PTPA: variants seen among roughly 807,000 people sequenced by gnomAD.
PTPA encodes the protein serine/threonine-protein phosphatase 2A activator.
Under a neutral mutation model 43.6 loss-of-function variants are expected in PTPA, and 13 were observed. The ratio of observed to expected loss-of-function variants is 0.30; its 90% CI spans 0.19 to 0.47. The LOEUF (loss-of-function observed/expected upper bound fraction) is 0.47, where lower values mean the gene tolerates loss of function less well. Ranked by LOEUF, PTPA falls within the 20% of genes least tolerant of loss-of-function variation. The probability of loss-of-function intolerance (pLI) is 0.99; values close to 1 mark genes in which losing one functional copy is unlikely to be tolerated. For missense variants in PTPA, 329 were observed against 411.9 expected (o/e 0.80, Z 1.74); for synonymous variants, 172 against 158.2 (o/e 1.09, Z -0.66).
chr9:129,143,200 C>T (rs1205898642), intron 9 of PTPA: 3 of 634,152 alleles, frequency 4.7e-6, no homozygotes, highest in South Asian at 1.8e-5. Flanking sequence ...GTGGCCTTTT[C>T]TCTCTTCCAA....
intron 3 of PTPA, among the ~76,000 whole-genome samples, chr9:129,126,173 TA>T (rs1473605699): frequency 6.6e-6 from 1 of 151,902 alleles, no homozygotes; most frequent in Non-Finnish European, 1.5e-5. Context: ...AACTAGCTCT[TA>T]TTTTTTTATT....
chr9:129,146,820 C>T (rs1851333855), intron 9 of PTPA, among the ~76,000 whole-genome samples: 1 of 152,196 alleles, frequency 6.6e-6, no homozygotes, highest in Non-Finnish European at 1.5e-5. Context: ...TCAGCCATTC[C>T]CCTGTTCAGC....
rs552258435 is a variant in PTPA at position 129,129,627 on chromosome 9, G to A, written c.342+517G>A. Among the ~76,000 whole-genome samples, 30 of 151,884 alleles carry A rather than the reference G, an allele frequency of 2.0e-4. No homozygotes were observed. The East Asian group carries it at 3.7e-3, about 19-fold the overall frequency. On this transcript the variant is annotated intron_variant, in intron 4 of 9. Transcript: ENST00000393370. ...TGGGACTACAGGCACCCACCACCACGCCCGGCTAATTTTTTGTATTTTTCG... is the reference window on the plus strand; with the variant it reads ...TGGGACTACAGGCACCCACCACCACACCCGGCTAATTTTTTGTATTTTTCG...
chr9:129,132,716 C>T (rs1255462632), intron 5 of PTPA, among the ~76,000 whole-genome samples: 1 of 152,226 alleles, frequency 6.6e-6, no homozygotes, highest in Non-Finnish European at 1.5e-5. Flanking sequence ...CTCCTGACCT[C>T]TGGTGAGGTC....
intron 1 of PTPA, among the ~76,000 whole-genome samples, chr9:129,114,484 A>G (rs886509356): frequency 1.3e-5 from 2 of 152,102 alleles, no homozygotes; most frequent in African/African-American, 4.8e-5. Context: ...TAAAATAACT[A>G]TAGGCTACTA....
chr9:129,117,061 C>G (rs1848924547), intron 1 of PTPA, among the ~76,000 whole-genome samples: 1 of 152,034 alleles, frequency 6.6e-6, no homozygotes, highest in Non-Finnish European at 1.5e-5. Flanking sequence ...TGGGTTGTTT[C>G]TAATTTTTTT....
chr9:129,135,004 T>C lies in PTPA; in HGVS notation c.560+110T>C, dbSNP rs114639924. 761 of 858,018 alleles carry C rather than the reference T, an allele frequency of 8.9e-4. 7 individuals carry two copies. The African/African-American group carries it at 0.012, about 13-fold the overall frequency. 53.2% of individuals were successfully genotyped at this position (858,018 alleles called of 1,614,324 possible). The stretch of plus-strand genomic sequence containing the variant: ...GGTTCTCCTGAGTAGCTCATGGTTC[T>C]CTTGTCCTGTCCTAATCAAGCTCTG... On this transcript the variant is annotated intron_variant, in intron 6 of 9. Transcript: ENST00000393370.
At chr9:129,119,731 G>A (rs1849126860) in intron 1 of PTPA, 1 of 151,938 alleles carries the variant, frequency 6.6e-6, no homozygotes, top group Admixed American at 6.6e-5. Flanking sequence ...TCTGTGAATT[G>A]CCTGTGTATG....
At chr9:129,136,368 C>T (rs1163499018) in intron 6 of PTPA, 103 bp from the exon 7 acceptor site, 5 of 1,300,312 alleles carry the variant, frequency 3.8e-6, no homozygotes, top group Non-Finnish European at 4.2e-6. Context: ...AGTTAACACT[C>T]TTCAGTGGTT....
At chr9:129,146,917 G>A (rs774621091) in intron 9 of PTPA, among the ~76,000 whole-genome samples, 1 of 152,228 alleles carries the variant, frequency 6.6e-6, no homozygotes, top group Non-Finnish European at 1.5e-5. Flanking sequence ...TTATTGTCTC[G>A]CTCTGAAGTG....
Position 129,147,539 on chromosome 9 carries a change from C to G in PTPA, c.*75C>G. On this transcript the variant is annotated 3_prime_UTR_variant, in exon 10 of 10. Transcript: ENST00000393370. ...TCCCCACCCCAGCAGTGGCCCCTCC[C>G]CATCCCCTCCCTCTGTTCGTCCCGT... is the stretch of plus-strand genomic sequence containing the variant. 7.7e-6 allele frequency: 11 copies of G among 1,431,682 alleles called. No individual in the cohort carries two copies. The highest frequency in any genetic ancestry group is 1.1e-5 in the Non-Finnish European group (11 of 1,028,822). 88.7% of individuals were successfully genotyped at this position (1,431,682 alleles called of 1,614,324 possible).
chr9:129,122,552 G>A (rs1488010950), intron 2 of PTPA, among the ~76,000 whole-genome samples: 3 of 152,218 alleles, frequency 2.0e-5, no homozygotes, highest in East Asian at 1.9e-4. Flanking sequence ...GCCTTTGGTC[G>A]CTGATTGCTG....
At chr9:129,111,201 C>T, upstream of PTPA, 2 of 1,118,628 alleles carry the variant, frequency 1.8e-6, no homozygotes, top group Non-Finnish European at 2.3e-6. Context: ...GAGACTGTCC[C>T]GGAAAAACAT....
Position 129,144,274 on chromosome 9 carries a change from C to G in PTPA, c.894+1722C>G, listed in dbSNP as rs374757274. ...CAGGCTGTCGGGGTCTCCGTGGGGGCTGAGCACAGGGTGGCAAACACAAAG... is the reference window on the plus strand; with the variant it reads ...CAGGCTGTCGGGGTCTCCGTGGGGGGTGAGCACAGGGTGGCAAACACAAAG... On this transcript the variant is annotated intron_variant, in intron 9 of 9. Transcript: ENST00000393370. Among the ~76,000 whole-genome samples the G allele has an allele frequency of 3.6e-4, 55 of 152,030 alleles. 1 individual carries two copies. The South Asian group carries it at 7.7e-3, about 21-fold the overall frequency.
intron 6 of PTPA, among the ~76,000 whole-genome samples, chr9:129,136,236 G>A (rs552377469): frequency 1.3e-5 from 2 of 152,154 alleles, no homozygotes; most frequent in Non-Finnish European, 2.9e-5. Flanking sequence ...CAAAGTGCTG[G>A]GATTACAGGC....
At chr9:129,123,733 G>C (rs1849403431) in intron 3 of PTPA, among the ~76,000 whole-genome samples, 1 of 151,770 alleles carries the variant, frequency 6.6e-6, no homozygotes, top group Non-Finnish European at 1.5e-5. Context: ...GCCCAGGCTG[G>C]AGTGCAGTGG....
rs770784540 is a variant in PTPA, at chr9:129,123,069, C to A, written c.147C>A (p.Ile49=). The A allele has an allele frequency of 1.9e-6, 3 of 1,610,994 alleles. No homozygotes were observed. Among genetic ancestry groups the A allele is most frequent in the Non-Finnish European group, 2.5e-6 (3 of 1,178,178 alleles). The change falls in exon 3 of 10, where the codon ATC becomes ATA. Residue 49 remains isoleucine (I), a synonymous_variant. Transcript: ENST00000393370. The part of the protein sequence containing the change: ...WKRSQAYADY[I]GFILTLNEGV... ...TTTGGTAGGCATACGCTGACTACAT[C>A]GGATTCATCCTTACCCTCAACGAAG... is the stretch of plus-strand genomic sequence containing the variant.
chr9:129,111,446 C>A lies in PTPA; in HGVS notation c.-155C>A. On this transcript the variant is annotated 5_prime_UTR_variant, in exon 1 of 10. Transcript: ENST00000393370. Reference sequence around the variant, plus strand: ...ATGGCGGCCGTCTTCGCTGTGGTGACTTTAACTCTCGGTTTTCGGTTATAG... The same window carrying A: ...ATGGCGGCCGTCTTCGCTGTGGTGAATTTAACTCTCGGTTTTCGGTTATAG... 8.0e-7 allele frequency: 1 copy of A among 1,255,042 alleles called. No homozygotes were observed. Among genetic ancestry groups the A allele is most frequent in the Non-Finnish European group, 1.0e-6 (1 of 991,920 alleles). 77.7% of individuals were successfully genotyped at this position (1,255,042 alleles called of 1,614,324 possible). A position where few individuals can be genotyped will look rare whatever the true frequency, so the allele number is the denominator to read the frequency against.
At chr9:129,111,901 C>A in intron 1 of PTPA, 1 of 805,820 alleles carries the variant, frequency 1.2e-6, no homozygotes, top group Non-Finnish European at 1.7e-6. Flanking sequence ...GCTGGGTGGG[C>A]AGCGCCGTGG....
Sources: allele counts gnomAD v4.1 joint callset (sites outside exome capture counted in the v4.1 genomes callset), GRCh38; gene constraint gnomAD v4.1.1; transcripts MANE v1.5; gene names NCBI Gene and HGNC (gene_info 2026-07-23, HGNC 2026-07-21).